The following ACAP2 variants were observed in gnomAD, a reference collection of about 807,000 sequenced individuals.
ACAP2 encodes the protein arf-GAP with coiled-coil, ANK repeat and PH domain-containing protein 2.
In ACAP2, 39 loss-of-function variants were observed where a neutral mutation model predicts 115.8. The observed-to-expected ratio is 0.34, with a 90% CI of 0.26 to 0.44. The LOEUF is 0.44. ACAP2 is among the 20% of genes least tolerant of loss of function. The probability of loss-of-function intolerance (pLI) is 1.00; values close to 1 mark genes in which losing one functional copy is unlikely to be tolerated. For missense variants in ACAP2, 662 were observed against 927.6 expected (o/e 0.71, Z 3.72); for synonymous variants, 289 against 315.8 (o/e 0.92, Z 0.90).
intron 6 of ACAP2, among the ~76,000 whole-genome samples, chr3:195,337,582 G>A (rs1365401817): frequency 2.0e-5 from 3 of 151,826 alleles, no homozygotes; most frequent in Non-Finnish European, 4.4e-5. Flanking sequence ...CCGAGTAGCT[G>A]GGATTACCGG....
chr3:195,381,613 G>A (rs1009360571), intron 3 of ACAP2, among the ~76,000 whole-genome samples: 2 of 152,022 alleles, frequency 1.3e-5, no homozygotes, highest in African/African-American at 4.8e-5. Context: ...TTCCTGCTCA[G>A]GCCCTCTGAC....
At chr3:195,424,355 C>T (rs1341919060) in intron 1 of ACAP2, among the ~76,000 whole-genome samples, 4 of 132,846 alleles carry the variant, frequency 3.0e-5, no homozygotes, top group Non-Finnish European at 6.2e-5. Flanking sequence ...AGTGCAGTGG[C>T]GTGATCTCAG....
At chr3:195,313,611 T>C (rs150041710) in intron 10 of ACAP2, among the ~76,000 whole-genome samples, 119 of 152,306 alleles carry the variant, frequency 7.8e-4, no homozygotes, top group African/African-American at 2.8e-3. Flanking sequence ...AAAAGGCCAA[T>C]AGAAATAAAA....
intron 4 of ACAP2, among the ~76,000 whole-genome samples, chr3:195,352,942 G>T (rs1048247153): frequency 2.0e-5 from 3 of 152,058 alleles, no homozygotes; most frequent in Non-Finnish European, 2.9e-5. Flanking sequence ...TTAGCTGGGT[G>T]TGGTGGCGCA....
intron 1 of ACAP2, among the ~76,000 whole-genome samples, chr3:195,400,801 A>G (rs1490278233): frequency 6.6e-6 from 1 of 152,218 alleles, no homozygotes; most frequent in African/African-American, 2.4e-5. Context: ...TGAAAAGACA[A>G]CCAAGTATCT....
intron 1 of ACAP2, among the ~76,000 whole-genome samples, chr3:195,398,903 A>C (rs1052569568): frequency 2.0e-5 from 3 of 152,186 alleles, no homozygotes; most frequent in Non-Finnish European, 2.9e-5. Flanking sequence ...CTGTCAACTC[A>C]TACGAGCCCC....
At chr3:195,417,455 A>G (rs2108825031) in intron 1 of ACAP2, among the ~76,000 whole-genome samples, 1 of 152,126 alleles carries the variant, frequency 6.6e-6, no homozygotes, top group Admixed American at 6.5e-5. Flanking sequence ...AGCAATCACA[A>G]TGTCCTATTA....
At chr3:195,372,531 A>G (rs901040738) in intron 4 of ACAP2, among the ~76,000 whole-genome samples, 1 of 152,160 alleles carries the variant, frequency 6.6e-6, no homozygotes, top group African/African-American at 2.4e-5. Flanking sequence ...TCTCTAAAAA[A>G]GAAAAAAAGC....
rs75196828 is a variant in ACAP2, at chr3:195,292,123, C to T, written c.1953+142G>A. On this transcript the variant is annotated intron_variant, in intron 19 of 22. Transcript: ENST00000326793. ...CAACCGAAGTGGTGCTCAGAAACCA[C>T]TACTATTAATAGCACAGAGGTTCCT... 7.4e-3 allele frequency: 7,795 copies of T among 1,052,834 alleles called. 241 individuals are homozygous for T. The African/African-American group carries it at 0.086, about 12-fold the overall frequency. 65.2% of individuals were successfully genotyped at this position (1,052,834 alleles called of 1,614,324 possible). A position where few individuals can be genotyped will look rare whatever the true frequency, so the allele number is the denominator to read the frequency against.
chr3:195,436,894 C>A (rs1206742577), intron 1 of ACAP2, among the ~76,000 whole-genome samples: 1 of 151,994 alleles, frequency 6.6e-6, no homozygotes, highest in Non-Finnish European at 1.5e-5. Flanking sequence ...AAACTAAGAC[C>A]CAGTTGCATT....
At chr3:195,325,947 T>TA (rs1437094117) in intron 9 of ACAP2, among the ~76,000 whole-genome samples, 3 of 152,214 alleles carry the variant, frequency 2.0e-5, no homozygotes, top group Admixed American at 2.0e-4. Flanking sequence ...GTAACTAACT[T>TA]AAAGATGGTC....
intron 1 of ACAP2, among the ~76,000 whole-genome samples, chr3:195,419,816 T>G (rs987085313): frequency 6.6e-6 from 1 of 152,188 alleles, no homozygotes; most frequent in Non-Finnish European, 1.5e-5. Flanking sequence ...AAATAACACC[T>G]TCACCATTCT....
At chr3:195,376,154 G>A (rs1733513632) in intron 4 of ACAP2, among the ~76,000 whole-genome samples, 1 of 152,282 alleles carries the variant, frequency 6.6e-6, no homozygotes, top group East Asian at 1.9e-4. Flanking sequence ...AGCACTTTGG[G>A]AGGCCAAGGT....
chr3:195,360,052 T>A (rs1015044108), intron 4 of ACAP2, among the ~76,000 whole-genome samples: 1 of 152,054 alleles, frequency 6.6e-6, no homozygotes, highest in Non-Finnish European at 1.5e-5. Context: ...TGAATGTAAA[T>A]GGACTACACT....
At chr3:195,348,055 T>TA (rs59102931) in intron 4 of ACAP2, among the ~76,000 whole-genome samples, 3,635 of 145,844 alleles carry the variant, frequency 0.025, 132 homozygotes, top group African/African-American at 0.078. Flanking sequence ...AGAAAACTTG[T>TA]AAAAAAAAAA....
chr3:195,292,780 G>A (rs1727349560), intron 18 of ACAP2, among the ~76,000 whole-genome samples: 1 of 151,910 alleles, frequency 6.6e-6, no homozygotes, highest in South Asian at 2.1e-4. Flanking sequence ...AAATTAACCA[G>A]GCATGGTAGC....
intron 1 of ACAP2, among the ~76,000 whole-genome samples, chr3:195,395,363 G>A (rs1711666703): frequency 6.6e-6 from 1 of 152,106 alleles, no homozygotes; most frequent in African/African-American, 2.4e-5. Flanking sequence ...TTAAGAGAAA[G>A]GGAAGAAAAG....
At chr3:195,365,989 G>A (rs1483181648) in intron 4 of ACAP2, among the ~76,000 whole-genome samples, 5 of 151,872 alleles carry the variant, frequency 3.3e-5, no homozygotes, top group East Asian at 1.9e-4. Context: ...TTACAGGCAC[G>A]CGCCACCACA....
chr3:195,423,773 T>C (rs1714382276), intron 1 of ACAP2, among the ~76,000 whole-genome samples: 1 of 152,126 alleles, frequency 6.6e-6, no homozygotes, highest in Non-Finnish European at 1.5e-5. Flanking sequence ...AATAAAACTT[T>C]ATTTACACAC....
Sources: allele counts gnomAD v4.1 joint callset (sites outside exome capture counted in the v4.1 genomes callset), GRCh38; gene constraint gnomAD v4.1.1; transcripts MANE v1.5; gene names NCBI Gene and HGNC (gene_info 2026-07-23, HGNC 2026-07-21).